Variants in CNBD1 observed in about 807,000 individuals in gnomAD.
CNBD1 encodes cyclic nucleotide-binding domain-containing protein 1.
A neutral mutation model predicts 54.4 loss-of-function variants in CNBD1; 71 were observed. The observed-to-expected ratio is 1.30, with a 90% CI of 1.08 to 1.59. CNBD1 has a LOEUF of 1.59. CNBD1 is among the 40% of genes most tolerant of loss of function. The pLI, the probability that CNBD1 is intolerant of heterozygous loss-of-function variation, is 0.00. For missense variants in CNBD1, 659 were observed against 518.0 expected, an observed-to-expected ratio of 1.27 and a Z score of -2.64; for synonymous variants, 182 against 170.7, an observed-to-expected ratio of 1.07 and a Z score of -0.51.
At chr8:86,925,652 G>A (rs1809346429) in intron 3 of CNBD1, among the ~76,000 whole-genome samples, 3 of 151,314 alleles carry the variant, frequency 2.0e-5, no homozygotes, top group Admixed American at 1.3e-4. Context: ...AGGCCAAGGT[G>A]GGTGGATCAC....
At chr8:87,312,992 C>A (rs1005437659) in intron 8 of CNBD1, among the ~76,000 whole-genome samples, 1 of 151,950 alleles carries the variant, frequency 6.6e-6, no homozygotes, top group Non-Finnish European at 1.5e-5. Flanking sequence ...ACGACATACT[C>A]TAAGTGTTTT....
At chr8:87,091,366 A>G (rs893351887) in intron 4 of CNBD1, among the ~76,000 whole-genome samples, 3 of 152,152 alleles carry the variant, frequency 2.0e-5, no homozygotes, top group African/African-American at 7.2e-5. Context: ...AGATGACATA[A>G]CTGCACACAT....
intron 4 of CNBD1, among the ~76,000 whole-genome samples, chr8:87,154,832 G>A (rs945436339): frequency 6.6e-6 from 1 of 152,146 alleles, no homozygotes; most frequent in Non-Finnish European, 1.5e-5. Context: ...GATCGTTAGT[G>A]TAGAACGCAC....
At chr8:86,873,352 C>T (rs1244087734) in intron 1 of CNBD1, among the ~76,000 whole-genome samples, 2 of 151,896 alleles carry the variant, frequency 1.3e-5, no homozygotes, top group African/African-American at 2.4e-5. Flanking sequence ...CTGCCCGCCT[C>T]GGCCTCCCAA....
chr8:87,010,527 C>T (rs1441914603), intron 4 of CNBD1, among the ~76,000 whole-genome samples: 2 of 152,102 alleles, frequency 1.3e-5, no homozygotes, highest in Non-Finnish European at 2.9e-5. Flanking sequence ...GCGGGTGGAT[C>T]ACCTGAGGTC....
At chr8:87,421,010 C>G (rs1222588142) in intron 2 of CNBD1, among the ~76,000 whole-genome samples, 1 of 151,784 alleles carries the variant, frequency 6.6e-6, no homozygotes. Flanking sequence ...AATCAAGAAT[C>G]AAAATTCTGG....
In CNBD1 at chr8:86,894,263, T is replaced by C. The variant is rs1586117209; in HGVS notation, c.158+6652T>C. On this transcript the variant is annotated intron_variant, in intron 2 of 10. Coordinates refer to ENST00000518476, the MANE Select transcript of CNBD1 (RefSeq NM_173538.3). ...TTTTTAGTAGAGACGGGGTTTCACC[T>C]TGTTAGCCAGGATGGTCTCGATCTC... 2.7e-5 allele frequency among the ~76,000 whole-genome samples: 4 copies of C among 150,216 alleles called. 1 individual carries two copies. In the Middle Eastern group the frequency reaches 0.014, roughly 514 times the overall value.
chr8:86,879,117 G>A (rs891875054), intron 1 of CNBD1, among the ~76,000 whole-genome samples: 1 of 151,940 alleles, frequency 6.6e-6, no homozygotes, highest in African/African-American at 2.4e-5. Context: ...ATCTGTCTTT[G>A]TTATTTTTTC....
chr8:87,147,116 C>A (rs1193772228), intron 4 of CNBD1, among the ~76,000 whole-genome samples: 1 of 152,130 alleles, frequency 6.6e-6, no homozygotes, highest in Non-Finnish European at 1.5e-5. Flanking sequence ...ACCCTCTTGT[C>A]ATTAAGATCT....
chr8:87,168,912 A>G (rs1349622841), intron 4 of CNBD1, among the ~76,000 whole-genome samples: 1 of 152,072 alleles, frequency 6.6e-6, no homozygotes, highest in East Asian at 1.9e-4. Context: ...TATCTCTTCA[A>G]TATACTAATT....
At chr8:87,053,008 G>T (rs918674249) in intron 4 of CNBD1, among the ~76,000 whole-genome samples, 10 of 149,016 alleles carry the variant, frequency 6.7e-5, no homozygotes, top group South Asian at 4.4e-4. Flanking sequence ...GATATAGCTG[G>T]AGGGGGCCCA....
At chr8:87,136,064 C>T (rs980915817) in intron 4 of CNBD1, among the ~76,000 whole-genome samples, 2 of 151,966 alleles carry the variant, frequency 1.3e-5, no homozygotes, top group Non-Finnish European at 2.9e-5. Flanking sequence ...TTTTATCCTT[C>T]ACTTAAAATC....
At chr8:86,922,778 G>C (rs1299409704) in intron 3 of CNBD1, among the ~76,000 whole-genome samples, 1 of 152,144 alleles carries the variant, frequency 6.6e-6, no homozygotes, top group Non-Finnish European at 1.5e-5. Context: ...GGGTATAGGT[G>C]CTGAGAAGGG....
chr8:87,006,120 A>G (rs890667827), intron 4 of CNBD1, among the ~76,000 whole-genome samples: 2 of 152,182 alleles, frequency 1.3e-5, no homozygotes, highest in Non-Finnish European at 2.9e-5. Context: ...TGAGATGTAC[A>G]TTAAAGGAAA....
At chr8:86,971,522 G>A (rs1213431548) in intron 4 of CNBD1, among the ~76,000 whole-genome samples, 3 of 151,990 alleles carry the variant, frequency 2.0e-5, no homozygotes, top group Admixed American at 1.3e-4. Context: ...TGTTATCTTT[G>A]GATAACTGAT....
rs138910351 is a variant in CNBD1, at chr8:86,998,374, G to A, written c.431+58620G>A. Among the ~76,000 whole-genome samples, 226 of 152,168 alleles carry A rather than the reference G, an allele frequency of 1.5e-3. 2 individuals are homozygous for A. Among genetic ancestry groups the A allele is most frequent in the African/African-American group, 4.9e-3 (204 of 41,532 alleles). On this transcript the variant is annotated intron_variant, in intron 4 of 10. Coordinates refer to ENST00000518476, the MANE Select transcript of CNBD1 (RefSeq NM_173538.3). Reference sequence around the variant, plus strand: ...ACACTAGGTAGGACTTCAGCACTATGCTAGGGCCATTTTTACACGGTGAAA... The same window carrying A: ...ACACTAGGTAGGACTTCAGCACTATACTAGGGCCATTTTTACACGGTGAAA...
intron 10 of CNBD1, among the ~76,000 whole-genome samples, chr8:87,359,915 C>T (rs1586044980): frequency 6.6e-6 from 1 of 151,854 alleles, no homozygotes; most frequent in Admixed American, 6.6e-5. Context: ...CAATAGAATC[C>T]TCAATTATTA....
chr8:87,310,891 G>A (rs1809249891), intron 8 of CNBD1, among the ~76,000 whole-genome samples: 1 of 151,962 alleles, frequency 6.6e-6, no homozygotes, highest in African/African-American at 2.4e-5. Context: ...TGGGATAGCT[G>A]GCTAGCCATA....
At chr8:87,115,133 G>C (rs1240283997) in intron 4 of CNBD1, among the ~76,000 whole-genome samples, 1 of 152,138 alleles carries the variant, frequency 6.6e-6, no homozygotes, top group Non-Finnish European at 1.5e-5. Flanking sequence ...AATATATTGA[G>C]CCATCAATAG....
Sources: gnomAD v4.1 joint callset for allele counts (sites outside exome capture counted in the v4.1 genomes callset) on GRCh38, gnomAD v4.1.1 for gene constraint, MANE v1.5 for transcripts, NCBI Gene and HGNC (gene_info 2026-07-23, HGNC 2026-07-21) for gene names.